The following SFI1 variants were observed in gnomAD, a reference collection of about 807,000 sequenced individuals.
SFI1 encodes protein SFI1 homolog.
Under a neutral mutation model 207.5 loss-of-function variants are expected in SFI1, and 195 were observed. The ratio of observed to expected loss-of-function variants is 0.94; its 90% CI spans 0.84 to 1.06. The LOEUF (loss-of-function observed/expected upper bound fraction) is 1.06. Among genes scored for constraint, SFI1 ranks in the 50% least tolerant of loss-of-function variants. SFI1 has a pLI of 0.00. For synonymous variants in SFI1, 630 were observed against 598.9 expected (o/e 1.05, Z -0.76); for missense variants, 1,634 against 1,588.0 (o/e 1.03, Z -0.49).
At chr22:31,517,636 A>T (rs2056706773) in intron 2 of SFI1, among the ~76,000 whole-genome samples, 1 of 152,120 alleles carries the variant, frequency 6.6e-6, no homozygotes, top group Non-Finnish European at 1.5e-5. Flanking sequence ...TTTGTTGATC[A>T]TGTGAGTTAG....
At chr22:31,518,137 C>T (rs2056772395) in intron 2 of SFI1, among the ~76,000 whole-genome samples, 1 of 152,206 alleles carries the variant, frequency 6.6e-6, no homozygotes, top group Non-Finnish European at 1.5e-5. Flanking sequence ...CAGGCACCCA[C>T]CACCACGCCT....
rs202074986 is a variant in SFI1 at position 31,613,460 on chromosome 22, C to A, written c.2672C>A (p.Thr891Lys). Residue 891 changes from threonine to lysine, a missense_variant, in exon 26 of 33, where the codon ACG (threonine) becomes AAG (lysine). Physicochemically the swap from Thr to Lys is moderately conservative, Grantham distance 78. Coordinates refer to ENST00000400288, the MANE Select transcript of SFI1 (RefSeq NM_001007467.3). The part of the protein sequence containing the change: ...YQGQLLQEGA[T>K]RLLRFAASMK... ...GGGCAGCTCCTCCAGGAGGGTGCCA[C>A]GCGGCTCCTGCGCTTTGCAGCCAGC... is the stretch of plus-strand genomic sequence containing the variant. 3 of 1,604,996 alleles carry A rather than the reference C, an allele frequency of 1.9e-6. No individual in the cohort carries two copies. In the Admixed American group the frequency reaches 5.0e-5, roughly 27 times the overall value.
intron 8 of SFI1, among the ~76,000 whole-genome samples, chr22:31,565,570 A>G (rs901094030): frequency 3.3e-5 from 5 of 151,584 alleles, no homozygotes; most frequent in Non-Finnish European, 7.4e-5. Context: ...GTGGTGGCGC[A>G]TGCCTGTTGT....
intron 1 of SFI1, among the ~76,000 whole-genome samples, chr22:31,502,228 T>C (rs1295160083): frequency 6.6e-6 from 1 of 152,244 alleles, no homozygotes; most frequent in Non-Finnish European, 1.5e-5. Flanking sequence ...AACTTAAATC[T>C]TGTTTGTATC....
chr22:31,605,520 A>G (rs2068818708), intron 20 of SFI1: 1 of 152,570 alleles, frequency 6.6e-6, no homozygotes, highest in African/African-American at 2.4e-5. Context: ...TGTTCAGCAC[A>G]TGATACTCCT....
chr22:31,546,883 C>T lies in SFI1; in HGVS notation c.361C>T (p.Leu121=). ...KARFYYEQRL[L]RKVFEEWKEE... Reference sequence around the variant, plus strand: ...TAGATTTTACTATGAGCAGCGATTACTACGGAAGGTCTTCGAAGAATGGAA... The same window carrying T: ...TAGATTTTACTATGAGCAGCGATTATTACGGAAGGTCTTCGAAGAATGGAA... Residue 121 remains leucine, a synonymous_variant, in exon 5 of 33, where the codon CTA becomes TTA. Coordinates refer to ENST00000400288, the MANE Select transcript of SFI1 (RefSeq NM_001007467.3). The T allele has an allele frequency of 6.2e-7, 1 of 1,610,422 alleles. No individual in the cohort carries two copies. Among genetic ancestry groups the T allele is most frequent in the Non-Finnish European group, 8.5e-7 (1 of 1,178,262 alleles).
intron 2 of SFI1, among the ~76,000 whole-genome samples, chr22:31,511,365 G>T (rs918662423): frequency 4.6e-5 from 7 of 151,884 alleles, no homozygotes; most frequent in Non-Finnish European, 8.8e-5. Flanking sequence ...TACATGGTCC[G>T]CAGAGTACTC....
At position 31,602,122 on chromosome 22, in the gene SFI1, G is replaced by C; in HGVS notation, c.1545-90G>C. 4.4e-6 allele frequency: 5 copies of C among 1,139,926 alleles called. No homozygotes were observed. In the South Asian group the frequency reaches 5.0e-5, roughly 11 times the overall value. The allele number at this position is 1,139,926 out of a possible 1,614,324, so 70.6% of individuals were successfully genotyped here. ...TCTTATACGATAGCATGGTATAAAAGGAAAAATCCAATTATTTGGAACTTC... is the reference window on the plus strand; with the variant it reads ...TCTTATACGATAGCATGGTATAAAACGAAAAATCCAATTATTTGGAACTTC... On this transcript the variant is annotated intron_variant, in intron 15 of 32. Transcript: ENST00000400288.
chr22:31,531,119 T>C lies in SFI1; in HGVS notation c.328T>C (p.Ser110Pro), dbSNP rs1276859746. ...IRMTFGRVFP[S>P]KARFYYEQRL... Reference sequence around the variant, plus strand: ...AATGACTTTTGGAAGAGTATTTCCCTCTAAAGCCAGGTAGTATTAGCTCAG... The same window carrying C: ...AATGACTTTTGGAAGAGTATTTCCCCCTAAAGCCAGGTAGTATTAGCTCAG... The change falls in exon 4 of 33, where the codon TCT becomes CCT. Residue 110 changes from serine (S) to proline (P), a missense_variant. Transcript: ENST00000400288. The C allele has an allele frequency of 6.2e-7, 1 of 1,612,654 alleles. No homozygotes were observed. The highest frequency in any genetic ancestry group is 8.5e-7 in the Non-Finnish European group (1 of 1,179,234).
intron 4 of SFI1, among the ~76,000 whole-genome samples, chr22:31,534,165 C>G (rs545850440): frequency 6.6e-6 from 1 of 152,200 alleles, no homozygotes; most frequent in South Asian, 2.1e-4. Flanking sequence ...GTCGCTCAGG[C>G]TGCAGTGCAG....
In SFI1 at chr22:31,508,317, A is replaced by C. The variant is rs935630224; in HGVS notation, c.33A>C (p.Ser11=). Reference sequence around the variant, plus strand: ...ATCTGCTCACTGAGAAGTGTATATCAAGCCACAATTTCCATCAAAAAGTGA... The same window carrying C: ...ATCTGCTCACTGAGAAGTGTATATCCAGCCACAATTTCCATCAAAAAGTGA... MKNLLTEKCI[S]SHNFHQKVIK... is the part of the protein sequence containing the mutation. Residue 11 remains serine, a synonymous_variant, in exon 2 of 33, where the codon TCA becomes TCC. Transcript: ENST00000400288. 12 of 1,613,240 alleles carry C rather than the reference A, an allele frequency of 7.4e-6. No homozygotes were observed. Among genetic ancestry groups the C allele is most frequent in the Non-Finnish European group, 1.0e-5 (12 of 1,179,524 alleles).
At chr22:31,544,407 A>G (rs749907756) in intron 4 of SFI1, among the ~76,000 whole-genome samples, 1 of 149,848 alleles carries the variant, frequency 6.7e-6, no homozygotes, top group Non-Finnish European at 1.5e-5. Context: ...TAAATAAGAC[A>G]TTACTACTTT....
chr22:31,611,831 G>A lies in SFI1; in HGVS notation c.2481G>A (p.Trp827Ter). The A allele has an allele frequency of 1.2e-6, 2 of 1,613,910 alleles. No homozygotes were observed. The highest frequency in any genetic ancestry group is 1.7e-6 in the Non-Finnish European group (2 of 1,179,948). ...QRLSRTCFRQ[W>*]RQQLAARRQE... The stretch of plus-strand genomic sequence containing the variant: ...TCAGCCGGACCTGCTTCCGCCAGTG[G>A]AGACAACAGGTGGGAACCCAGGAGA... Residue 827 changes from tryptophan to a stop codon, truncating the protein, a stop_gained, in exon 24 of 33, where the codon TGG (tryptophan) becomes TGA (stop). Transcript: ENST00000400288. LOFTEE classifies it high-confidence loss of function.
At chr22:31,588,270 G>C (rs1326097045) in intron 14 of SFI1, among the ~76,000 whole-genome samples, 1 of 152,224 alleles carries the variant, frequency 6.6e-6, no homozygotes, top group Non-Finnish European at 1.5e-5. Flanking sequence ...TGACCTCTCT[G>C]TGAGGCTTGG....
chr22:31,550,056 G>A (rs995997448), intron 5 of SFI1, among the ~76,000 whole-genome samples, 198 bp from the exon 6 acceptor site: 12 of 151,770 alleles, frequency 7.9e-5, no homozygotes, highest in South Asian at 4.2e-4. Flanking sequence ...CTCAGCCTCC[G>A]GAGTAGGTGG....
At chr22:31,585,744 G>A (rs562247720) in intron 14 of SFI1, among the ~76,000 whole-genome samples, 50 of 152,258 alleles carry the variant, frequency 3.3e-4, no homozygotes, top group Admixed American at 9.8e-4. Context: ...TTACAAGCCC[G>A]TTCTACCAAT....
intron 27 of SFI1, chr22:31,614,461 CTGTT>C: frequency 2.0e-6 from 1 of 508,210 alleles, no homozygotes; most frequent in Non-Finnish European, 3.8e-6. Flanking sequence ...GTGCTCCTCA[CTGTT>C]TGACTGACCT....
chr22:31,606,231 C>T, intron 20 of SFI1, 97 bp from the exon 21 acceptor site: 2 of 1,114,988 alleles, frequency 1.8e-6, no homozygotes, highest in Non-Finnish European at 2.7e-6. Context: ...GAGTCCCTGA[C>T]TCAGGAGTAG....
intron 15 of SFI1, among the ~76,000 whole-genome samples, chr22:31,595,081 C>G (rs531006267): frequency 6.6e-6 from 1 of 152,196 alleles, no homozygotes; most frequent in African/African-American, 2.4e-5. Flanking sequence ...ACGGCAAACT[C>G]CACATCCTGG....
Sources: gnomAD v4.1 joint callset for allele counts (sites outside exome capture counted in the v4.1 genomes callset) on GRCh38, gnomAD v4.1.1 for gene constraint, MANE v1.5 for transcripts, NCBI Gene and HGNC (gene_info 2026-07-23, HGNC 2026-07-21) for gene names.